SERINC5: variants seen among roughly 807,000 people sequenced by gnomAD.
SERINC5 encodes serine incorporator 5, also known as chromosome 5 open reading frame 12.
A neutral mutation model predicts 63.1 loss-of-function variants in SERINC5; 41 were observed. The ratio of observed to expected loss-of-function variants is 0.65; its 90% CI spans 0.51 to 0.84. SERINC5 has a LOEUF of 0.84. SERINC5 is among the 40% of genes least tolerant of loss of function. SERINC5 has a pLI of 0.00. For synonymous variants in SERINC5, 222 were observed against 215.2 expected, an observed-to-expected ratio of 1.03 and a Z score of -0.28; for missense variants, 523 against 573.0, an observed-to-expected ratio of 0.91 and a Z score of 0.89.
intron 12 of SERINC5, among the ~76,000 whole-genome samples, chr5:80,112,447 T>A (rs1181679436): frequency 6.6e-6 from 1 of 152,136 alleles, no homozygotes; most frequent in East Asian, 1.9e-4. Context: ...CGCTTCCTCT[T>A]GCTGAGATAG....
At chr5:80,174,146 A>C (rs983454918) in intron 5 of SERINC5, among the ~76,000 whole-genome samples, 3 of 151,850 alleles carry the variant, frequency 2.0e-5, no homozygotes, top group Non-Finnish European at 2.9e-5. Context: ...GGATCTCTTT[A>C]ACCCAGGAAT....
chr5:80,137,900 T>C (rs1745279528), downstream of SERINC5, among the ~76,000 whole-genome samples: 1 of 151,966 alleles, frequency 6.6e-6, no homozygotes, highest in Non-Finnish European at 1.5e-5. Context: ...ATGATGTCAC[T>C]GTACTCCAGC....
intron 2 of SERINC5, among the ~76,000 whole-genome samples, chr5:80,197,712 C>A (rs1212891433): frequency 6.6e-6 from 1 of 152,222 alleles, no homozygotes; most frequent in East Asian, 1.9e-4. Flanking sequence ...TCCCCAAACA[C>A]CCATGTGGCT....
intron 11 of SERINC5, among the ~76,000 whole-genome samples, chr5:80,131,628 G>A (rs888458391): frequency 9.9e-5 from 15 of 152,176 alleles, no homozygotes; most frequent in African/African-American, 3.4e-4. Context: ...GGCAGGGATA[G>A]GGAATGGGTC....
chr5:80,169,259 CA>C (rs1305129245), intron 6 of SERINC5, 75 bp downstream of exon 6: 6 of 1,286,516 alleles, frequency 4.7e-6, no homozygotes, highest in Admixed American at 2.0e-5. Flanking sequence ...CAAAACAAAA[CA>C]AAAAAAGCCA....
chr5:80,251,291 C>T (rs534383759), intron 1 of SERINC5, among the ~76,000 whole-genome samples: 221 of 4,022 alleles, frequency 0.055, 1 homozygote, highest in African/African-American at 0.34. Flanking sequence ...TACATACATG[C>T]ATACATACAT....
At chr5:80,198,541 C>T (rs1749641315) in intron 2 of SERINC5, 1 of 985,434 alleles carries the variant, frequency 1.0e-6, no homozygotes, top group Non-Finnish European at 1.2e-6. Context: ...GTAGGAGGCA[C>T]TTACACACTC....
intron 1 of SERINC5, among the ~76,000 whole-genome samples, chr5:80,235,501 C>A (rs928021064): frequency 6.6e-6 from 1 of 152,210 alleles, no homozygotes; most frequent in Non-Finnish European, 1.5e-5. Flanking sequence ...CATAAGTGAA[C>A]AAACACAAAT....
At chr5:80,161,261 C>G (rs1746904546) in intron 7 of SERINC5, among the ~76,000 whole-genome samples, 1 of 151,996 alleles carries the variant, frequency 6.6e-6, no homozygotes, top group Non-Finnish European at 1.5e-5. Flanking sequence ...TTTTAGTTCT[C>G]TGAGAAATCT....
intron 1 of SERINC5, among the ~76,000 whole-genome samples, chr5:80,251,455 C>T (rs975714641): frequency 6.6e-6 from 1 of 152,118 alleles, no homozygotes; most frequent in Non-Finnish European, 1.5e-5. Flanking sequence ...ATAGGGCCGG[C>T]GCAGTAGCTC....
chr5:80,130,889 T>C (rs1329867960), intron 11 of SERINC5, among the ~76,000 whole-genome samples: 1 of 152,210 alleles, frequency 6.6e-6, no homozygotes, highest in Non-Finnish European at 1.5e-5. Context: ...GGAGCTTGAA[T>C]TTTAGTGCCA....
chr5:80,216,737 A>G (rs529218780), intron 1 of SERINC5, among the ~76,000 whole-genome samples: 58 of 152,296 alleles, frequency 3.8e-4, no homozygotes, highest in African/African-American at 1.4e-3. Flanking sequence ...AGGGCTGGGC[A>G]CAGTGGCTCC....
chr5:80,233,505 T>C (rs1331557596), intron 1 of SERINC5, among the ~76,000 whole-genome samples: 1 of 147,196 alleles, frequency 6.8e-6, no homozygotes, highest in African/African-American at 2.5e-5. Flanking sequence ...AACTCAATAA[T>C]TCTAAAATCA....
At chr5:80,136,185 G>A (rs2112267591), downstream of SERINC5, among the ~76,000 whole-genome samples, 1 of 152,182 alleles carries the variant, frequency 6.6e-6, no homozygotes, top group South Asian at 2.1e-4. Flanking sequence ...CGGGAGGCTG[G>A]GGTGGAACAA....
At chr5:80,154,881 G>T (rs1746421721) in intron 8 of SERINC5, among the ~76,000 whole-genome samples, 1 of 152,152 alleles carries the variant, frequency 6.6e-6, no homozygotes, top group South Asian at 2.1e-4. Flanking sequence ...CAAATGCCTT[G>T]TAATAATATA....
chr5:80,130,128 C>T (rs1744883247), intron 11 of SERINC5, among the ~76,000 whole-genome samples: 1 of 151,982 alleles, frequency 6.6e-6, no homozygotes, highest in African/African-American at 2.4e-5. Context: ...GCCTATAATC[C>T]CAGCACTTTG....
chr5:80,251,303 C>T (rs938231064), intron 1 of SERINC5, among the ~76,000 whole-genome samples: 1 of 135,380 alleles, frequency 7.4e-6, no homozygotes, highest in Admixed American at 7.0e-5. Flanking sequence ...TACATACATA[C>T]ATACATACAT....
intron 8 of SERINC5, among the ~76,000 whole-genome samples, 172 bp from the exon 9 acceptor site, chr5:80,151,120 T>A (rs1451054923): frequency 6.6e-6 from 1 of 152,238 alleles, no homozygotes; most frequent in Non-Finnish European, 1.5e-5. Flanking sequence ...CAAAATTGGC[T>A]GGCTTATTCT....
chr5:80,242,244 A>C (rs1488922449), intron 1 of SERINC5, among the ~76,000 whole-genome samples: 1 of 152,258 alleles, frequency 6.6e-6, no homozygotes, highest in Non-Finnish European at 1.5e-5. Flanking sequence ...CATACTTTTA[A>C]GTATAAAGAC....
Sources: gnomAD v4.1 joint callset for allele counts (sites outside exome capture counted in the v4.1 genomes callset) on GRCh38, gnomAD v4.1.1 for gene constraint, MANE v1.5 for transcripts, NCBI Gene and HGNC (gene_info 2026-07-23, HGNC 2026-07-21) for gene names.